The following TMEM178B variants were observed in gnomAD, a reference collection of about 807,000 sequenced individuals.
TMEM178B encodes the protein transmembrane protein 178B.
A neutral mutation model predicts 31.0 loss-of-function variants in TMEM178B; 5 were observed. The ratio of observed to expected loss-of-function variants is 0.16; its 90% confidence interval spans 0.08 to 0.34. The LOEUF is 0.34. TMEM178B is among the 10% of genes least tolerant of loss of function. The probability of loss-of-function intolerance (pLI) is 1.00; values close to 1 mark genes in which losing one functional copy is unlikely to be tolerated. For synonymous variants in TMEM178B, 164 were observed against 164.0 expected, an observed-to-expected ratio of 1.00 and a Z score of 0.00; for missense variants, 275 against 400.3, an observed-to-expected ratio of 0.69 and a Z score of 2.67.
chr7:141,333,291 A>G (rs1799327443), intron 2 of TMEM178B, among the ~76,000 whole-genome samples: 1 of 152,104 alleles, frequency 6.6e-6, no homozygotes, highest in African/African-American at 2.4e-5. Flanking sequence ...TACCCTCTTC[A>G]CTTCCCCAGC....
intron 2 of TMEM178B, among the ~76,000 whole-genome samples, chr7:141,311,186 A>AT (rs1387583897): frequency 6.6e-6 from 1 of 152,188 alleles, no homozygotes; most frequent in East Asian, 1.9e-4. Flanking sequence ...TAACTAGCCA[A>AT]TGCATGTGGG....
At chr7:141,282,313 G>T (rs1486179587) in intron 2 of TMEM178B, among the ~76,000 whole-genome samples, 1 of 152,162 alleles carries the variant, frequency 6.6e-6, no homozygotes, top group Non-Finnish European at 1.5e-5. Context: ...CCCTGCCCTT[G>T]GGGAGAACAG....
chr7:141,084,856 G>A (rs1183601481), intron 1 of TMEM178B, among the ~76,000 whole-genome samples: 1 of 151,776 alleles, frequency 6.6e-6, no homozygotes, highest in Non-Finnish European at 1.5e-5. Context: ...GTGATTCAAA[G>A]ATGAAAAAAG....
intron 1 of TMEM178B, among the ~76,000 whole-genome samples, chr7:141,143,779 A>G (rs1487963851): frequency 6.6e-6 from 1 of 151,602 alleles, no homozygotes; most frequent in East Asian, 1.9e-4. Context: ...TGATAGGAAT[A>G]GCATTAAATC....
intron 2 of TMEM178B, among the ~76,000 whole-genome samples, chr7:141,316,500 A>T (rs1359502747): frequency 6.6e-6 from 1 of 150,930 alleles, no homozygotes; most frequent in Non-Finnish European, 1.5e-5. Context: ...GCAGTGATCT[A>T]GGGGGAGTCT....
At chr7:141,110,281 T>C (rs1319164497) in intron 1 of TMEM178B, among the ~76,000 whole-genome samples, 1 of 152,222 alleles carries the variant, frequency 6.6e-6, no homozygotes, top group Non-Finnish European at 1.5e-5. Flanking sequence ...CAAGGGCTTA[T>C]AGATTATAAA....
At chr7:141,080,632 C>T (rs944097891) in intron 1 of TMEM178B, among the ~76,000 whole-genome samples, 1 of 152,122 alleles carries the variant, frequency 6.6e-6, no homozygotes, top group African/African-American at 2.4e-5. Flanking sequence ...GAAAAATAGT[C>T]ATAGAGTAAA....
At position 141,074,583 on chromosome 7, in the gene TMEM178B, G is replaced by A; in HGVS notation, c.273G>A (p.Met91Ile). 2 of 1,535,916 alleles carry A rather than the reference G, an allele frequency of 1.3e-6. No homozygotes were observed. Among genetic ancestry groups the A allele is most frequent in the Non-Finnish European group, 1.7e-6 (2 of 1,146,754 alleles). The change falls in exon 1 of 4, where the codon ATG becomes ATA. Residue 91 changes from methionine to isoleucine, a missense_variant. Transcript: ENST00000565468. This position sits in a 1 kb window ranked among gnomAD's most constrained non-coding sequence, Gnocchi z 5.1. ...GGAATCGCCGGCAGCTGTTCGCCATGAGCCCCGCGGACGAGTGCAGCCGGC... is the reference window on the plus strand; with the variant it reads ...GGAATCGCCGGCAGCTGTTCGCCATAAGCCCCGCGGACGAGTGCAGCCGGC... ...RARNRRQLFA[M>I]SPADECSRQY...
intron 2 of TMEM178B, among the ~76,000 whole-genome samples, chr7:141,293,542 A>G (rs1440338811): frequency 3.9e-5 from 6 of 152,194 alleles, no homozygotes; most frequent in Admixed American, 2.6e-4. Flanking sequence ...ATGGTGGCTA[A>G]GAGTGGGATG....
At chr7:141,459,344 G>A (rs1802022688) in intron 3 of TMEM178B, among the ~76,000 whole-genome samples, 1 of 152,108 alleles carries the variant, frequency 6.6e-6, no homozygotes, top group Admixed American at 6.5e-5. Context: ...CATATTTTTA[G>A]TTATAAGCTG....
chr7:141,230,961 C>T (rs1212867833), intron 2 of TMEM178B, among the ~76,000 whole-genome samples: 2 of 152,166 alleles, frequency 1.3e-5, no homozygotes, highest in South Asian at 4.1e-4. Flanking sequence ...CTTGGCCTCC[C>T]ACTTTCCTAC....
intron 2 of TMEM178B, among the ~76,000 whole-genome samples, chr7:141,420,572 C>T (rs1035236614): frequency 6.6e-6 from 1 of 152,050 alleles, no homozygotes; most frequent in Non-Finnish European, 1.5e-5. Flanking sequence ...AAGGAGAGGT[C>T]GACCGAGCCC....
In TMEM178B at chr7:141,125,578, G is replaced by A. The variant is rs4725503; in HGVS notation, c.382+50886G>A. ...CGCCTGTAATCCCAGCTACTTAGGA[G>A]GCTGAGGAGGAGAATTGCCTGAACC... On this transcript the variant is annotated intron_variant, in intron 1 of 3. Transcript: ENST00000565468. Among the ~76,000 whole-genome samples the A allele has an allele frequency of 5.4e-3, 817 of 151,914 alleles. 37 individuals are homozygous for A. The highest frequency in any genetic ancestry group is 0.048 in the Admixed American group (738 of 15,234).
chr7:141,184,449 A>G, intron 1 of TMEM178B, among the ~76,000 whole-genome samples: 1 of 152,084 alleles, frequency 6.6e-6, no homozygotes, highest in Non-Finnish European at 1.5e-5. Context: ...GAGGGCTCTG[A>G]CATTTCCTTC....
Position 141,236,053 on chromosome 7 carries a change from A to C in TMEM178B, c.496+23349A>C, listed in dbSNP as rs1303717935. 2.0e-5 allele frequency among the ~76,000 whole-genome samples: 3 copies of C among 152,302 alleles called. No homozygotes were observed. In the East Asian group the frequency reaches 5.8e-4, roughly 29 times the overall value. On this transcript the variant is annotated intron_variant, in intron 2 of 3. Transcript: ENST00000565468. ...GCTGGATCACCAGCAAGAGATGGGG[A>C]CAAGAGAACCAGACCAGAGCTCCCT...
intron 2 of TMEM178B, among the ~76,000 whole-genome samples, chr7:141,223,914 A>G (rs778759160): frequency 9.9e-5 from 15 of 152,196 alleles, no homozygotes; most frequent in Non-Finnish European, 1.9e-4. Flanking sequence ...AATTTTACTT[A>G]TAAACTGACG....
At position 141,392,522 on chromosome 7, in the gene TMEM178B, A is replaced by G. The variant is rs964501638; in HGVS notation, c.497-45086A>G. 2.8e-4 allele frequency among the ~76,000 whole-genome samples: 42 copies of G among 152,160 alleles called. 5 individuals are homozygous for G. On this transcript the variant is annotated intron_variant, in intron 2 of 3. Transcript: ENST00000565468. Reference sequence around the variant, plus strand: ...TTCAGGACCCTTCATCCCTGCATACATCAGCATACCTACATAGCCACATTG... The same window carrying G: ...TTCAGGACCCTTCATCCCTGCATACGTCAGCATACCTACATAGCCACATTG...
At chr7:141,142,200 G>A (rs188404618) in intron 1 of TMEM178B, among the ~76,000 whole-genome samples, 1 of 145,104 alleles carries the variant, frequency 6.9e-6, no homozygotes, top group East Asian at 1.9e-4. Flanking sequence ...GCCCCCAGCT[G>A]TATCCATGTT....
intron 1 of TMEM178B, among the ~76,000 whole-genome samples, chr7:141,148,256 T>C (rs1417413850): frequency 2.6e-5 from 4 of 152,158 alleles, no homozygotes; most frequent in African/African-American, 2.4e-5. Flanking sequence ...TGAGATTACA[T>C]TGGGCCTACC....
Sources: gnomAD v4.1 joint callset for allele counts (sites outside exome capture counted in the v4.1 genomes callset) on GRCh38, gnomAD v4.1.1 for gene constraint, Gnocchi (gnomAD v3.1) non-coding constraint, MANE v1.5 for transcripts, NCBI Gene and HGNC (gene_info 2026-07-23, HGNC 2026-07-21) for gene names.